FAM13A: variants seen among roughly 807,000 people sequenced by gnomAD.
The protein encoded by FAM13A is family with sequence similarity 13 member A.
Under a neutral mutation model 129.6 loss-of-function variants are expected in FAM13A, and 76 were observed. The ratio of observed to expected loss-of-function variants is 0.59; its 90% CI spans 0.49 to 0.71. The LOEUF (loss-of-function observed/expected upper bound fraction) is 0.71, where lower values mean the gene tolerates loss of function less well. FAM13A is among the 30% of genes least tolerant of loss of function. FAM13A has a pLI of 0.00. For missense variants in FAM13A, 1,108 were observed against 1,249.3 expected, an observed-to-expected ratio of 0.89 and a Z score of 1.70; for synonymous variants, 443 against 449.9, an observed-to-expected ratio of 0.98 and a Z score of 0.20.
At chr4:88,854,158 T>C (rs1228361800) in intron 6 of FAM13A, among the ~76,000 whole-genome samples, 1 of 152,212 alleles carries the variant, frequency 6.6e-6, no homozygotes, top group East Asian at 1.9e-4. Flanking sequence ...ATTAGTTCTG[T>C]CCCTCTAGTG....
intron 1 of FAM13A, among the ~76,000 whole-genome samples, chr4:89,033,372 C>T (rs1768958018): frequency 6.6e-6 from 1 of 152,054 alleles, no homozygotes; most frequent in African/African-American, 2.4e-5. Context: ...TTTTGTGATT[C>T]CCACTTCACA....
At chr4:88,729,012 A>G (rs1010099334) in intron 23 of FAM13A, 1 of 153,670 alleles carries the variant, frequency 6.5e-6, no homozygotes, top group African/African-American at 2.5e-5. Flanking sequence ...TATATATTTC[A>G]TCTCGTGAAA....
intron 1 of FAM13A, among the ~76,000 whole-genome samples, chr4:89,044,264 G>A (rs1319011144): frequency 1.3e-5 from 2 of 152,056 alleles, no homozygotes; most frequent in Non-Finnish European, 2.9e-5. Context: ...ATGAACAAAG[G>A]ACGTGTATAA....
rs191152369 is a variant in FAM13A at position 88,953,999 on chromosome 4, C to T, written c.606-15758G>A. 1.3e-3 allele frequency among the ~76,000 whole-genome samples: 196 copies of T among 152,080 alleles called. 2 individuals carry two copies. Among genetic ancestry groups the T allele is most frequent in the African/African-American group, 4.2e-3 (174 of 41,486 alleles). ...GCAAAAATTCTGGTCAGCCTCTACC[C>T]AAACCAAAATGAGCCAAAGTGTTTG... On this transcript the variant is annotated intron_variant, in intron 4 of 23. Coordinates refer to ENST00000264344, the MANE Select transcript of FAM13A (RefSeq NM_014883.4).
At chr4:89,020,407 G>A (rs960175076) in intron 3 of FAM13A, 53 bp downstream of exon 3, 136 of 1,353,626 alleles carry the variant, frequency 1.0e-4, no homozygotes, top group Non-Finnish European at 1.1e-4. Flanking sequence ...GTGGGCCACC[G>A]TGCCCAGCCT....
chr4:88,845,573 A>G (rs1410218905), intron 7 of FAM13A, among the ~76,000 whole-genome samples: 2 of 152,182 alleles, frequency 1.3e-5, no homozygotes, highest in Non-Finnish European at 2.9e-5. Context: ...GTGAAGCACC[A>G]CAATACATTT....
chr4:88,768,097 G>T, intron 11 of FAM13A, 38 bp from the exon 12 acceptor site: 1 of 1,235,538 alleles, frequency 8.1e-7, no homozygotes, highest in Non-Finnish European at 1.2e-6. Context: ...AATAGGAATG[G>T]TAAGAAATAT....
chr4:88,777,892 C>A (rs939862532), intron 11 of FAM13A, among the ~76,000 whole-genome samples: 6 of 152,174 alleles, frequency 3.9e-5, no homozygotes, highest in Admixed American at 3.3e-4. Context: ...TTTTACTTGA[C>A]CTATCATCTG....
chr4:88,898,752 A>C lies in FAM13A; in HGVS notation c.843+7627T>G, dbSNP rs146164360. Among the ~76,000 whole-genome samples, 1,353 of 152,060 alleles carry C rather than the reference A, an allele frequency of 8.9e-3. 6 individuals are homozygous for C. Among genetic ancestry groups the C allele is most frequent in the Non-Finnish European group, 0.013 (869 of 67,918 alleles). ...CTTTATAAATGTCATGGTGGCTAAT[A>C]ATAAAAAAAATAAAAAAATAGATGT... is the stretch of plus-strand genomic sequence containing the variant. On this transcript the variant is annotated intron_variant, in intron 6 of 23. Transcript: ENST00000264344.
intron 4 of FAM13A, 174 bp downstream of exon 4, chr4:88,990,799 T>C (rs2149020573): frequency 4.1e-6 from 2 of 484,310 alleles, no homozygotes; most frequent in South Asian, 4.9e-5. Context: ...AGCTACCTTC[T>C]TCAAATTGGG....
In FAM13A at chr4:89,056,502, G is replaced by A. The variant is rs185369100; in HGVS notation, c.27+436C>T. Among the ~76,000 whole-genome samples the A allele has an allele frequency of 3.9e-5, 6 of 152,136 alleles. No individual in the cohort carries two copies. In the East Asian group the frequency reaches 9.7e-4, roughly 25 times the overall value. On this transcript the variant is annotated intron_variant, in intron 1 of 23. Transcript: ENST00000264344. ...AACAGAAACTCCAGAATTACTAAAC[G>A]AAAATAGAAATATAAAACAGAAAAA...
intron 4 of FAM13A, among the ~76,000 whole-genome samples, chr4:88,955,238 T>G (rs1254156352): frequency 6.6e-6 from 1 of 152,166 alleles, no homozygotes; most frequent in Non-Finnish European, 1.5e-5. Flanking sequence ...TTTATTATAT[T>G]GTTATATTTC....
intron 7 of FAM13A, among the ~76,000 whole-genome samples, chr4:88,845,691 C>G (rs1007617989): frequency 1.3e-5 from 2 of 152,064 alleles, no homozygotes; most frequent in South Asian, 2.1e-4. Flanking sequence ...ATAGCAGTTA[C>G]CCCTGGGGGA....
chr4:89,035,515 G>A (rs1769272473), intron 1 of FAM13A, among the ~76,000 whole-genome samples: 1 of 152,006 alleles, frequency 6.6e-6, no homozygotes, highest in South Asian at 2.1e-4. Context: ...GGGAAAAAAA[G>A]AAAAAGGATA....
intron 7 of FAM13A, among the ~76,000 whole-genome samples, chr4:88,836,148 T>A (rs1421293947): frequency 1.3e-5 from 2 of 152,118 alleles, no homozygotes; most frequent in East Asian, 1.9e-4. Context: ...TGTAAAAAAA[T>A]TCATACATAA....
rs1277122188 is a variant in FAM13A, at chr4:88,781,373, A to T, written c.1272-22T>A. On this transcript the variant is annotated intron_variant, in intron 10 of 23. Coordinates refer to ENST00000264344, the MANE Select transcript of FAM13A (RefSeq NM_014883.4). The stretch of plus-strand genomic sequence containing the variant: ...TCCCCTTGAATTGAGAAAAAAGCTT[A>T]ATTTTATTTTAAAAGATCAAATGGT... 3 of 1,533,242 alleles carry T rather than the reference A, an allele frequency of 2.0e-6. No homozygotes were observed. The South Asian group carries it at 3.6e-5, about 18-fold the overall frequency. The allele number at this position is 1,533,242 out of a possible 1,614,324, so 95.0% of individuals were successfully genotyped here. A position where few individuals can be genotyped will look rare whatever the true frequency, so the allele number is the denominator to read the frequency against.
At chr4:88,773,207 T>C (rs1285632149) in intron 11 of FAM13A, among the ~76,000 whole-genome samples, 1 of 152,226 alleles carries the variant, frequency 6.6e-6, no homozygotes, top group East Asian at 1.9e-4. Flanking sequence ...TGGCTTGTCT[T>C]ACACAAATAT....
chr4:89,020,539 C>T lies in FAM13A; in HGVS notation c.348G>A (p.Leu116=), dbSNP rs373647665. 6.8e-6 allele frequency: 11 copies of T among 1,614,022 alleles called. No individual in the cohort carries two copies. Among genetic ancestry groups the T allele is most frequent in the Non-Finnish European group, 9.3e-6 (11 of 1,180,014 alleles). Reference sequence around the variant, plus strand: ...GCAGCTCCCTCAGAAACAGCTTCAACAGACTGGCTGCTGAGCAGACATCAC... The same window carrying T: ...GCAGCTCCCTCAGAAACAGCTTCAATAGACTGGCTGCTGAGCAGACATCAC... ...KDGDVCSAAS[L]LKLFLRELPD... is the part of the protein sequence containing the mutation. Residue 116 remains leucine (L), a synonymous_variant, in exon 3 of 24, where the codon CTG becomes CTA. Transcript: ENST00000264344.
chr4:88,880,438 C>T (rs1743329006), intron 6 of FAM13A, among the ~76,000 whole-genome samples: 1 of 152,054 alleles, frequency 6.6e-6, no homozygotes, highest in Non-Finnish European at 1.5e-5. Flanking sequence ...TGTGGGCACT[C>T]TTGGTCCACA....
Sources: allele counts gnomAD v4.1 joint callset (sites outside exome capture counted in the v4.1 genomes callset), GRCh38; gene constraint gnomAD v4.1.1; transcripts MANE v1.5; gene names NCBI Gene and HGNC (gene_info 2026-07-23, HGNC 2026-07-21).